The following RIT2 variants were observed in gnomAD, a reference collection of about 807,000 sequenced individuals.
RIT2 encodes Ras like without CAAX 2.
In RIT2, 24 loss-of-function variants were observed where a neutral mutation model predicts 23.7. That is an observed-to-expected ratio of 1.01 (90% CI 0.73 to 1.43). The LOEUF is 1.43. Among genes scored for constraint, RIT2 ranks in the 40% most tolerant of loss-of-function variants. The probability of loss-of-function intolerance (pLI) is 0.00; values close to 1 mark genes in which losing one functional copy is unlikely to be tolerated. For synonymous variants in RIT2, 107 were observed against 91.1 expected, an observed-to-expected ratio of 1.17 and a Z score of -0.99; for missense variants, 236 against 266.9, an observed-to-expected ratio of 0.88 and a Z score of 0.81.
chr18:42,974,602 A>G (rs1044964715), intron 2 of RIT2, among the ~76,000 whole-genome samples: 5 of 152,028 alleles, frequency 3.3e-5, no homozygotes, highest in African/African-American at 1.2e-4. Context: ...AAAAAATAAA[A>G]TCATCCCAAT....
At chr18:42,933,342 C>A (rs1443968207) in intron 3 of RIT2, among the ~76,000 whole-genome samples, 2 of 152,020 alleles carry the variant, frequency 1.3e-5, no homozygotes, top group Admixed American at 1.3e-4. Context: ...TGAAAATCAG[C>A]AAAATTTTTG....
intron 1 of RIT2, among the ~76,000 whole-genome samples, chr18:43,041,090 C>T (rs1449767511): frequency 1.3e-5 from 2 of 151,866 alleles, no homozygotes; most frequent in Non-Finnish European, 2.9e-5. Context: ...ATATGTGAAG[C>T]GTTTTTTCAG....
At chr18:42,856,629 C>T (rs559264127) in intron 4 of RIT2, among the ~76,000 whole-genome samples, 4 of 152,256 alleles carry the variant, frequency 2.6e-5, no homozygotes, top group Middle Eastern at 3.4e-3. Context: ...AGTCACAGTA[C>T]TGTTCTAACT....
intron 4 of RIT2, among the ~76,000 whole-genome samples, chr18:42,745,683 G>A (rs766475772): frequency 1.5e-4 from 23 of 151,910 alleles, no homozygotes; most frequent in Non-Finnish European, 2.5e-4. Context: ...ATAACATTCT[G>A]ACTTGCCAGC....
At chr18:42,896,825 G>T (rs938959158) in intron 4 of RIT2, among the ~76,000 whole-genome samples, 3 of 152,164 alleles carry the variant, frequency 2.0e-5, no homozygotes, top group African/African-American at 7.2e-5. Flanking sequence ...ATCATAGAGT[G>T]AGAAAACCTG....
At chr18:43,051,186 G>T (rs1025352160) in intron 1 of RIT2, among the ~76,000 whole-genome samples, 2 of 151,992 alleles carry the variant, frequency 1.3e-5, no homozygotes, top group African/African-American at 2.4e-5. Flanking sequence ...TACTTGGTGT[G>T]TCAGAAAAAA....
intron 1 of RIT2, among the ~76,000 whole-genome samples, chr18:43,054,843 T>C (rs932155044): frequency 2.6e-5 from 4 of 152,132 alleles, no homozygotes; most frequent in Non-Finnish European, 5.9e-5. Context: ...GACGCATTCA[T>C]AAAAGTTTGT....
chr18:43,104,741 A>C (rs1913768252), intron 1 of RIT2, among the ~76,000 whole-genome samples: 1 of 152,146 alleles, frequency 6.6e-6, no homozygotes, highest in South Asian at 2.1e-4. Context: ...GGCAGGAACC[A>C]ATTAGCTGAA....
intron 4 of RIT2, among the ~76,000 whole-genome samples, chr18:42,851,988 C>T (rs1286895529): frequency 6.6e-6 from 1 of 152,166 alleles, no homozygotes; most frequent in African/African-American, 2.4e-5. Context: ...CTACAAAGTC[C>T]TCCCTGATTT....
intron 4 of RIT2, among the ~76,000 whole-genome samples, chr18:42,899,842 G>A (rs1443139549): frequency 6.6e-6 from 1 of 151,918 alleles, no homozygotes; most frequent in Non-Finnish European, 1.5e-5. Flanking sequence ...AAGGAATCAA[G>A]GTAAAGAAGC....
intron 1 of RIT2, among the ~76,000 whole-genome samples, chr18:43,055,178 T>C (rs1912471400): frequency 6.6e-6 from 1 of 152,132 alleles, no homozygotes; most frequent in South Asian, 2.1e-4. Flanking sequence ...GATAAATCAG[T>C]GATTGCTTCT....
chr18:43,114,075 A>T (rs1256365815), intron 1 of RIT2, among the ~76,000 whole-genome samples: 1 of 151,992 alleles, frequency 6.6e-6, no homozygotes, highest in Admixed American at 6.6e-5. Context: ...TTCCTTCTCA[A>T]ATCATTATAT....
At chr18:42,865,734 T>C (rs182579737) in intron 4 of RIT2, among the ~76,000 whole-genome samples, 57 of 152,186 alleles carry the variant, frequency 3.7e-4, no homozygotes, top group African/African-American at 1.3e-3. Context: ...ACTGCTAATA[T>C]GTTGATGCTA....
intron 3 of RIT2, among the ~76,000 whole-genome samples, chr18:42,948,130 A>G (rs1909769189): frequency 6.6e-6 from 1 of 152,104 alleles, no homozygotes; most frequent in South Asian, 2.1e-4. Context: ...ATATGCTTTT[A>G]ATTGGAATGA....
At chr18:43,043,975 G>T (rs2144297776) in intron 1 of RIT2, among the ~76,000 whole-genome samples, 1 of 152,196 alleles carries the variant, frequency 6.6e-6, no homozygotes, top group South Asian at 2.1e-4. Context: ...CTTTCCCAAG[G>T]AAGACATGCC....
intron 4 of RIT2, among the ~76,000 whole-genome samples, chr18:42,838,024 A>AC (rs1350956443): frequency 6.6e-6 from 1 of 152,156 alleles, no homozygotes. Context: ...TAAAAACCTG[A>AC]CCAGCTCAAC....
intron 4 of RIT2, among the ~76,000 whole-genome samples, chr18:42,846,009 CTA>C (rs1340230265): frequency 6.6e-6 from 1 of 151,678 alleles, no homozygotes; most frequent in Non-Finnish European, 1.5e-5. Context: ...AAAATTCAAA[CTA>C]AAAATGTAGT....
chr18:43,001,853 A>G (rs961038834), intron 2 of RIT2, among the ~76,000 whole-genome samples: 2 of 151,964 alleles, frequency 1.3e-5, no homozygotes, highest in Non-Finnish European at 2.9e-5. Context: ...GAGTAGCACA[A>G]TTAAGATGAG....
chr18:42,828,542 T>C (rs1308586267), intron 4 of RIT2, among the ~76,000 whole-genome samples: 1 of 152,218 alleles, frequency 6.6e-6, no homozygotes, highest in Non-Finnish European at 1.5e-5. Flanking sequence ...ACGAAGTCAG[T>C]TGGCTGTTAA....
Sources: allele counts gnomAD v4.1 joint callset (sites outside exome capture counted in the v4.1 genomes callset), GRCh38; gene constraint gnomAD v4.1.1; transcripts MANE v1.5; gene names NCBI Gene and HGNC (gene_info 2026-07-23, HGNC 2026-07-21).